The following RCAN1 variants were observed in gnomAD, a reference collection of about 807,000 sequenced individuals.
RCAN1 encodes regulator of calcineurin 1.
Under a neutral mutation model 22.9 loss-of-function variants are expected in RCAN1, and 11 were observed. The ratio of observed to expected loss-of-function variants is 0.48; its 90% CI spans 0.30 to 0.79. The LOEUF is 0.79. Ranked by LOEUF, RCAN1 falls within the 30% of genes least tolerant of loss-of-function variation. RCAN1 has a pLI of 0.06. For synonymous variants in RCAN1, 136 were observed against 142.3 expected (o/e 0.96, Z 0.32); for missense variants, 291 against 337.8 (o/e 0.86, Z 1.09).
chr21:34,542,064 G>A (rs1177825249), intron 1 of RCAN1, among the ~76,000 whole-genome samples: 2 of 152,092 alleles, frequency 1.3e-5, no homozygotes, highest in Non-Finnish European at 2.9e-5. Context: ...CCAAATTTGG[G>A]CTTGGAAAGT....
intron 1 of RCAN1, among the ~76,000 whole-genome samples, chr21:34,564,475 C>T (rs112821255): frequency 1.5e-3 from 226 of 152,166 alleles, no homozygotes; most frequent in African/African-American, 5.2e-3. Flanking sequence ...TGCCCTGGGC[C>T]GCCCAGAGCC....
chr21:34,551,162 C>G (rs1199248190), intron 1 of RCAN1, among the ~76,000 whole-genome samples: 1 of 152,126 alleles, frequency 6.6e-6, no homozygotes, highest in East Asian at 1.9e-4. Context: ...TTAAAGGCAC[C>G]CGTGACGCTA....
At chr21:34,548,006 G>A (rs1986215429) in intron 1 of RCAN1, among the ~76,000 whole-genome samples, 1 of 152,176 alleles carries the variant, frequency 6.6e-6, no homozygotes, top group South Asian at 2.1e-4. Context: ...GAAGGTGACA[G>A]TCTACAAGCC....
chr21:34,525,747 A>C (rs1985000822), intron 1 of RCAN1: 1 of 169,466 alleles, frequency 5.9e-6, no homozygotes, highest in African/African-American at 2.4e-5. Context: ...TCTCTACTTC[A>C]TTTAAAAAAT....
Position 34,614,292 on chromosome 21 carries a change from T to G in RCAN1, c.252+468A>C, listed in dbSNP as rs1432841592. ...CGGATCCTCACCCAAACATTGGCTTTTCTTCCAATAGTGCAGATTGGGAAT... is the reference window on the plus strand; with the variant it reads ...CGGATCCTCACCCAAACATTGGCTTGTCTTCCAATAGTGCAGATTGGGAAT... On this transcript the variant is annotated intron_variant, in intron 1 of 3. Coordinates refer to ENST00000313806, the MANE Select transcript of RCAN1 (RefSeq NM_004414.7). The surrounding 1 kb of genome is among the most constrained non-coding windows in gnomAD (Gnocchi z 6.0). 3.0e-6 allele frequency: 3 copies of G among 991,412 alleles called. No individual in the cohort carries two copies. Among genetic ancestry groups the G allele is most frequent in the Non-Finnish European group, 3.6e-6 (3 of 834,274 alleles). The allele number at this position is 991,412 out of a possible 1,614,324, so 61.4% of individuals were successfully genotyped here. A position where few individuals can be genotyped will look rare whatever the true frequency, so the allele number is the denominator to read the frequency against.
At chr21:34,601,857 A>G (rs979231926) in intron 1 of RCAN1, among the ~76,000 whole-genome samples, 2 of 151,500 alleles carry the variant, frequency 1.3e-5, no homozygotes, top group African/African-American at 2.4e-5. Context: ...TGCTGTCCAC[A>G]TTCAGGATTC....
At chr21:34,601,247 C>T (rs918220967) in intron 1 of RCAN1, among the ~76,000 whole-genome samples, 5 of 152,202 alleles carry the variant, frequency 3.3e-5, no homozygotes, top group Non-Finnish European at 5.9e-5. Context: ...CTAACTCATA[C>T]TAAATACTTA....
rs73367111 is a variant in RCAN1 at position 34,521,419 on chromosome 21, G to T, written c.586+80C>A. ...GCATGGGCTCAGGAGAGCTACGGGG[G>T]TAGTGGTGGTACTGCTCCCTGGTGC... is the stretch of plus-strand genomic sequence containing the variant. On this transcript the variant is annotated intron_variant, in intron 3 of 3. Coordinates refer to ENST00000313806, the MANE Select transcript of RCAN1 (RefSeq NM_004414.7). 4.9e-4 allele frequency: 795 copies of T among 1,607,094 alleles called. 4 individuals carry two copies. In the African/African-American group the frequency reaches 9.4e-3, roughly 19 times the overall value.
chr21:34,581,761 G>A (rs1014445473), intron 1 of RCAN1, among the ~76,000 whole-genome samples: 3 of 152,142 alleles, frequency 2.0e-5, no homozygotes, highest in Non-Finnish European at 4.4e-5. Flanking sequence ...AAAAATCTTT[G>A]AAAAAAAGGC....
Position 34,614,762 on chromosome 21 carries a change from G to C in RCAN1, c.250C>G (p.Arg84Gly). 1 of 1,440,460 alleles carries C rather than the reference G, an allele frequency of 6.9e-7. No individual in the cohort carries two copies. The highest frequency in any genetic ancestry group is 9.2e-7 in the Non-Finnish European group (1 of 1,091,984). The allele number at this position is 1,440,460 out of a possible 1,614,324, so 89.2% of individuals were successfully genotyped here. Reference protein sequence around the residue: ...DPRVFVDGLCRAKFESLFRTY... With the variant: ...DPRVFVDGLCGAKFESLFRTY... ...GGCCCGCCCGGCGCGGTCCTCACCC[G>C]GCACAGGCCGTCCACGAACACGCGC... The change falls in exon 1 of 4, where the codon CGG becomes GGG. Residue 84 changes from arginine to glycine, a missense_variant and splice_region_variant. Arg to Gly is a moderately radical substitution (Grantham distance 125). Transcript: ENST00000313806. The surrounding 1 kb of genome is among the most constrained non-coding windows in gnomAD (Gnocchi z 6.0).
chr21:34,557,085 C>T lies in RCAN1; in HGVS notation c.253-33375G>A, dbSNP rs186566548. 2.7e-3 allele frequency among the ~76,000 whole-genome samples: 410 copies of T among 152,192 alleles called. 2 individuals are homozygous for T. The highest frequency in any genetic ancestry group is 9.6e-3 in the African/African-American group (398 of 41,510). Reference sequence around the variant, plus strand: ...AAAATTAGCTGGGTATGGTGGTACACGCCTGTAATCTCAGCTACTCGGGAG... The same window carrying T: ...AAAATTAGCTGGGTATGGTGGTACATGCCTGTAATCTCAGCTACTCGGGAG... On this transcript the variant is annotated intron_variant, in intron 1 of 3. Transcript: ENST00000313806.
chr21:34,518,379 G>C lies in RCAN1; in HGVS notation c.587-123C>G. 2.1e-6 allele frequency: 2 copies of C among 932,696 alleles called. No individual in the cohort carries two copies. Among genetic ancestry groups the C allele is most frequent in the Non-Finnish European group, 3.1e-6 (2 of 635,256 alleles). The allele number at this position is 932,696 out of a possible 1,614,324, so 57.8% of individuals were successfully genotyped here. A position where few individuals can be genotyped will look rare whatever the true frequency, so the allele number is the denominator to read the frequency against. On this transcript the variant is annotated intron_variant, in intron 3 of 3. Transcript: ENST00000313806. The surrounding 1 kb of genome is among the most constrained non-coding windows in gnomAD (Gnocchi z 4.2). ...TCGTGACCATTCGATTGGGCTGAGA[G>C]ACACAGCCAGACATATTTTGGGTTT...
chr21:34,562,202 C>T (rs1470798061), intron 1 of RCAN1, among the ~76,000 whole-genome samples: 1 of 152,174 alleles, frequency 6.6e-6, no homozygotes, highest in Non-Finnish European at 1.5e-5. Flanking sequence ...CTTAAGGCTA[C>T]GTTTTGGCCA....
intron 1 of RCAN1, among the ~76,000 whole-genome samples, chr21:34,597,686 T>C (rs1017182371): frequency 2.6e-5 from 4 of 152,196 alleles, no homozygotes; most frequent in African/African-American, 7.2e-5. Flanking sequence ...AGAATACCCA[T>C]CTGCTGCCTC....
intron 1 of RCAN1, among the ~76,000 whole-genome samples, chr21:34,604,762 G>T (rs1054151230): frequency 1.6e-4 from 24 of 152,220 alleles, no homozygotes; most frequent in Non-Finnish European, 1.5e-5. Flanking sequence ...TCTGTCTAGA[G>T]CTGTGCCCTC....
chr21:34,521,005 G>T lies in RCAN1; in HGVS notation c.586+494C>A. 4.9e-6 allele frequency: 5 copies of T among 1,022,986 alleles called. No homozygotes were observed. In the South Asian group the frequency reaches 1.3e-4, roughly 27 times the overall value. The allele number at this position is 1,022,986 out of a possible 1,614,324, so 63.4% of individuals were successfully genotyped here. A position where few individuals can be genotyped will look rare whatever the true frequency, so the allele number is the denominator to read the frequency against. The stretch of plus-strand genomic sequence containing the variant: ...GGCCCTGGGGTAGGGCAGCCCGACC[G>T]CGGCCCTTCCCTCACCATGGCCTAT... On this transcript the variant is annotated intron_variant, in intron 3 of 3. Coordinates refer to ENST00000313806, the MANE Select transcript of RCAN1 (RefSeq NM_004414.7).
intron 1 of RCAN1, among the ~76,000 whole-genome samples, chr21:34,591,626 C>T (rs1344229890): frequency 1.3e-5 from 2 of 152,292 alleles, no homozygotes; most frequent in South Asian, 2.1e-4. Context: ...TATTTTAAGA[C>T]TAAATAGAGC....
chr21:34,572,446 T>C (rs183505283), intron 1 of RCAN1, among the ~76,000 whole-genome samples: 305 of 152,262 alleles, frequency 2.0e-3, no homozygotes, highest in Non-Finnish European at 3.5e-3. Flanking sequence ...TAGGAGCTAA[T>C]CAGGGGGCCC....
intron 1 of RCAN1, among the ~76,000 whole-genome samples, chr21:34,584,463 T>C (rs1987722284): frequency 6.6e-6 from 1 of 152,214 alleles, no homozygotes; most frequent in Non-Finnish European, 1.5e-5. Flanking sequence ...ATAATGATAG[T>C]TCGTTCTTGT....
Sources: allele counts gnomAD v4.1 joint callset (sites outside exome capture counted in the v4.1 genomes callset), GRCh38; gene constraint gnomAD v4.1.1; non-coding constraint Gnocchi (gnomAD v3.1); transcripts MANE v1.5; gene names NCBI Gene and HGNC (gene_info 2026-07-23, HGNC 2026-07-21).